Variants in SYNE2 observed in about 807,000 individuals in gnomAD.
SYNE2 encodes the protein nesprin-2.
SYNE2 carries 431 observed loss-of-function variants against 856.3 expected under a neutral mutation model. The observed-to-expected ratio is 0.50, with a 90% confidence interval of 0.47 to 0.55. The LOEUF is 0.55. Ranked by LOEUF, SYNE2 falls within the 20% of genes least tolerant of loss-of-function variation. The probability of loss-of-function intolerance (pLI) is 0.00; values close to 1 mark genes in which losing one functional copy is unlikely to be tolerated. For missense variants in SYNE2, 8,129 were observed against 8,023.2 expected (o/e 1.01, Z -0.50); for synonymous variants, 2,923 against 2,872.3 (o/e 1.02, Z -0.56).
In SYNE2 at chr14:64,146,989, C is replaced by A. The variant is rs186509439; in HGVS notation, c.15639+766C>A. ...GCACCACCGTAAGCGGCCCTTTTCA[C>A]CTGCTCGTATACTGTTCCCACCTCC... On this transcript the variant is annotated intron_variant, in intron 84 of 115. Transcript: ENST00000555002. 3.6e-3 allele frequency among the ~76,000 whole-genome samples: 551 copies of A among 152,332 alleles called. 4 individuals are homozygous for A. Among genetic ancestry groups the A allele is most frequent in the African/African-American group, 0.013 (528 of 41,568 alleles).
In SYNE2 at chr14:64,002,979, A is replaced by T; in HGVS notation, c.4046A>T (p.Asp1349Val). The T allele has an allele frequency of 6.2e-7, 1 of 1,614,220 alleles. No individual in the cohort carries two copies. The highest frequency in any genetic ancestry group is 8.5e-7 in the Non-Finnish European group (1 of 1,180,038). ...AEPVTDLSASDTQVAQENTLT... is the reference protein window; with the variant it reads ...AEPVTDLSASVTQVAQENTLT... The stretch of plus-strand genomic sequence containing the variant: ...CCCGTTACAGACCTTTCAGCCTCAG[A>T]TACACAGGTGGCACAAGAAAATACG... The change falls in exon 30 of 116, where the codon GAT becomes GTT. Residue 1349 changes from aspartate (D) to valine (V), a missense_variant. Around this residue, in one of 3 missense-constraint regions of SYNE2, gnomAD observed 2,422 missense variants for 2,357.4 expected, o/e 1.03. Transcript: ENST00000555002.
rs571183697 is a variant in SYNE2, at chr14:64,080,373, T to A, written c.11164-83T>A. On this transcript the variant is annotated intron_variant, in intron 55 of 115. Coordinates refer to ENST00000555002, the MANE Select transcript of SYNE2 (RefSeq NM_182914.3). ...GTGATGTTTTAGTAGCATTTATAAA[T>A]GTAAATACTGTGTGAAAACCAGGCA... The A allele has an allele frequency of 5.3e-6, 7 of 1,327,140 alleles. No homozygotes were observed. The South Asian group carries it at 5.9e-5, about 11-fold the overall frequency. The allele number at this position is 1,327,140 out of a possible 1,614,324, so 82.2% of individuals were successfully genotyped here. A position where few individuals can be genotyped will look rare whatever the true frequency, so the allele number is the denominator to read the frequency against.
intron 7 of SYNE2, 131 bp downstream of exon 7, chr14:63,950,137 C>A: frequency 9.3e-7 from 1 of 1,080,082 alleles, no homozygotes; most frequent in South Asian, 1.3e-5. Context: ...GTGCTTCTTC[C>A]ATACGTGGAA....
At chr14:63,970,737 T>C (rs2096464262) in intron 11 of SYNE2, among the ~76,000 whole-genome samples, 1 of 143,756 alleles carries the variant, frequency 7.0e-6, no homozygotes, top group African/African-American at 2.5e-5. Context: ...CATTACAACC[T>C]CTGCCTCCGG....
chr14:64,001,781 G>A lies in SYNE2; in HGVS notation c.3639-153G>A, dbSNP rs8012830. On this transcript the variant is annotated intron_variant, in intron 28 of 115. Transcript: ENST00000555002. ...TTGGCATTTTGAATCGATGGGTTTA[G>A]GTATTAATGTGATAATGTGTATGTA... Among the ~76,000 whole-genome samples the A allele has an allele frequency of 0.03, 4,576 of 152,268 alleles. 244 individuals carry two copies. The highest frequency in any genetic ancestry group is 0.1 in the African/African-American group (4,311 of 41,528).
rs188894888 is a variant in SYNE2 at position 64,123,433 on chromosome 14, C to T, written c.13422+1006C>T. Among the ~76,000 whole-genome samples the T allele has an allele frequency of 3.9e-5, 6 of 152,378 alleles. No individual in the cohort carries two copies. The South Asian group carries it at 6.2e-4, about 16-fold the overall frequency. ...CCAATTTCCCAGTCTGATAGGACTT[C>T]TCAGCTGTCCTCTTTCCCGCTAAGG... On this transcript the variant is annotated intron_variant, in intron 70 of 115. Coordinates refer to ENST00000555002, the MANE Select transcript of SYNE2 (RefSeq NM_182914.3).
intron 78 of SYNE2, 55 bp downstream of exon 78, chr14:64,134,255 A>G: frequency 6.3e-7 from 1 of 1,594,968 alleles, no homozygotes; most frequent in Non-Finnish European, 8.6e-7. Flanking sequence ...TTTGTGTTTT[A>G]CATTTGTTTT....
At chr14:63,777,461 G>A (rs1353075459) in intron 1 of SYNE2, among the ~76,000 whole-genome samples, 1 of 152,154 alleles carries the variant, frequency 6.6e-6, no homozygotes, top group African/African-American at 2.4e-5. Context: ...CTTGTGCTCA[G>A]GAGTTCAAGG....
In SYNE2 at chr14:63,823,248, G is replaced by A. The variant is rs369966678; in HGVS notation, c.-304-29253G>A. ...GGCTGGAGTGCAGTGGCGCAATCTCGGCTCACTGCAACCTCCACCTCCCAG... is the reference window on the plus strand; with the variant it reads ...GGCTGGAGTGCAGTGGCGCAATCTCAGCTCACTGCAACCTCCACCTCCCAG... On this transcript the variant is annotated intron_variant, in intron 1 of 23. Coordinates refer to the SYNE2 transcript ENST00000674003. Among the ~76,000 whole-genome samples the A allele has an allele frequency of 1.3e-3, 189 of 151,074 alleles. 2 individuals carry two copies. The South Asian group carries it at 0.016, about 13-fold the overall frequency.
intron 1 of SYNE2, among the ~76,000 whole-genome samples, chr14:63,774,394 G>A (rs1887029726): frequency 6.6e-6 from 1 of 150,914 alleles, no homozygotes; most frequent in South Asian, 2.1e-4. Context: ...GCTTGAACCC[G>A]GGAGGTGGAG....
intron 1 of SYNE2, among the ~76,000 whole-genome samples, chr14:63,779,194 A>C (rs981713916): frequency 6.6e-6 from 1 of 151,728 alleles, no homozygotes; most frequent in Admixed American, 6.6e-5. Flanking sequence ...ACATGGTGGC[A>C]TGTGCCTGTA....
In SYNE2 at chr14:63,977,937, C is replaced by G; in HGVS notation, c.1326C>G (p.Asn442Lys). The change falls in exon 13 of 116, where the codon AAC becomes AAG. Residue 442 changes from asparagine to lysine, a missense_variant. By Grantham distance (94) the Asn-to-Lys change is moderately conservative. Coordinates refer to ENST00000555002, the MANE Select transcript of SYNE2 (RefSeq NM_182914.3). ...TGGATAGATTTGAGCATCATTCGAACATTCTCCTTACCTTTGAAAATAAGG... is the reference window on the plus strand; with the variant it reads ...TGGATAGATTTGAGCATCATTCGAAGATTCTCCTTACCTTTGAAAATAAGG... ...SLMDRFEHHS[N>K]ILLTFENKDE... 1 of 1,613,800 alleles carries G rather than the reference C, an allele frequency of 6.2e-7. No individual in the cohort carries two copies.
intron 1 of SYNE2, among the ~76,000 whole-genome samples, chr14:63,773,162 T>C (rs1042938939): frequency 1.9e-4 from 29 of 152,036 alleles, no homozygotes; most frequent in African/African-American, 6.5e-4. Context: ...AACTCCATTT[T>C]GTTATTATAA....
Position 64,070,712 on chromosome 14 carries a change from A to T in SYNE2, c.10499A>T (p.Glu3500Val), listed in dbSNP as rs1460330396. The change falls in exon 52 of 116, where the codon GAG (glutamate) becomes GTG (valine). Residue 3500 changes from glutamate (E) to valine (V), a missense_variant. This residue lies in a region of SYNE2 where 5,410 missense variants were observed against 5,284.8 expected (regional missense o/e 1.02). Coordinates refer to ENST00000555002, the MANE Select transcript of SYNE2 (RefSeq NM_182914.3). ...EELPEISKTK[E>V]AATTEELSEL... ...CTCCCTGAAATTTCCAAAACAAAAG[A>T]GGCAGCCACCACAGAGGAACTCTCT... 7 of 1,614,120 alleles carry T rather than the reference A, an allele frequency of 4.3e-6. No individual in the cohort carries two copies.
intron 101 of SYNE2, 177 bp downstream of exon 101, chr14:64,209,122 G>C (rs867379268): frequency 2.1e-6 from 2 of 941,142 alleles, no homozygotes; most frequent in Non-Finnish European, 3.2e-6. Context: ...CCGGAGTAAT[G>C]TCTCTCCCCA....
chr14:63,779,462 A>G (rs1344875496), intron 1 of SYNE2, among the ~76,000 whole-genome samples: 1 of 149,456 alleles, frequency 6.7e-6, no homozygotes, highest in Non-Finnish European at 1.5e-5. Flanking sequence ...AAAAAGCTAG[A>G]AAACGAGGAT....
intron 90 of SYNE2, among the ~76,000 whole-genome samples, chr14:64,165,748 A>G (rs879596277): frequency 6.6e-6 from 1 of 152,174 alleles, no homozygotes; most frequent in Non-Finnish European, 1.5e-5. Context: ...TCTTGACGTC[A>G]GGTGATCCGC....
chr14:64,217,358 C>T (rs1419167966), intron 108 of SYNE2, among the ~76,000 whole-genome samples: 1 of 152,210 alleles, frequency 6.6e-6, no homozygotes, highest in Non-Finnish European at 1.5e-5. Flanking sequence ...TTTCCCTCAG[C>T]TGCCTTGAGT....
chr14:64,096,747 A>G (rs2097680860), intron 61 of SYNE2, among the ~76,000 whole-genome samples: 1 of 152,222 alleles, frequency 6.6e-6, no homozygotes, highest in African/African-American at 2.4e-5. Context: ...AGCTTTGGAC[A>G]AATCACCTTC....
Sources: gnomAD v4.1 joint callset for allele counts (sites outside exome capture counted in the v4.1 genomes callset) on GRCh38, gnomAD v4.1.1 for gene constraint, gnomAD v4.1.1 regional missense constraint, MANE v1.5 for transcripts, NCBI Gene and HGNC (gene_info 2026-07-23, HGNC 2026-07-21) for gene names.